ZNF638: variants seen among roughly 807,000 people sequenced by gnomAD.
ZNF638 encodes the protein zinc finger protein 638, also known as CTCL tumor antigen se33-1.
Under a neutral mutation model 195.6 loss-of-function variants are expected in ZNF638, and 46 were observed. The observed-to-expected ratio is 0.24, with a 90% CI of 0.19 to 0.30. The LOEUF is 0.30. ZNF638 is among the 10% of genes least tolerant of loss of function. The pLI is 1.00. For missense variants in ZNF638, 2,440 were observed against 2,325.3 expected, an observed-to-expected ratio of 1.05 and a Z score of -1.01; for synonymous variants, 845 against 772.0, an observed-to-expected ratio of 1.09 and a Z score of -1.57.
In ZNF638 at chr2:71,349,039, G is replaced by A; in HGVS notation, c.85G>A (p.Gly29Arg). The A allele has an allele frequency of 6.2e-7, 1 of 1,614,142 alleles. No individual in the cohort carries two copies. Among genetic ancestry groups the A allele is most frequent in the South Asian group, 1.1e-5 (1 of 91,082 alleles). ...TAACCCTTCTGGGATGAGGCCTCCA[G>A]GACCATTTATGAGGCCTGGATCTAT... ...APNPSGMRPP[G>R]PFMRPGSMGL... The change falls in exon 2 of 28, where the codon GGA becomes AGA. Residue 29 changes from glycine to arginine, a missense_variant. Transcript: ENST00000264447.
At chr2:71,417,431 C>G (rs1011779375) in intron 20 of ZNF638, among the ~76,000 whole-genome samples, 4 of 151,954 alleles carry the variant, frequency 2.6e-5, no homozygotes, top group Admixed American at 2.6e-4. Context: ...AGAAATCACC[C>G]GTCTTCTGCG....
At chr2:71,396,431 C>T (rs1325591314) in intron 11 of ZNF638, among the ~76,000 whole-genome samples, 1 of 151,938 alleles carries the variant, frequency 6.6e-6, no homozygotes, top group African/African-American at 2.4e-5. Flanking sequence ...ACATATTTTC[C>T]TCTTTCTCTT....
intron 8 of ZNF638, among the ~76,000 whole-genome samples, chr2:71,377,467 G>T (rs564753882): frequency 3.9e-5 from 6 of 152,298 alleles, no homozygotes; most frequent in African/African-American, 1.4e-4. Flanking sequence ...AATGCTGGGC[G>T]TTAGTGAATA....
intron 25 of ZNF638, among the ~76,000 whole-genome samples, chr2:71,430,759 C>G (rs1001588072): frequency 1.3e-5 from 2 of 152,170 alleles, no homozygotes; most frequent in African/African-American, 4.8e-5. Context: ...ATCAGAATTG[C>G]TTGGAATCAG....
intron 10 of ZNF638, among the ~76,000 whole-genome samples, chr2:71,394,820 G>A (rs559485516): frequency 1.3e-5 from 2 of 151,992 alleles, no homozygotes; most frequent in East Asian, 3.9e-4. Flanking sequence ...CCAGAAATGT[G>A]TCTAATGAAC....
At chr2:71,390,505 T>TA (rs2104393444) in intron 10 of ZNF638, among the ~76,000 whole-genome samples, 1 of 152,258 alleles carries the variant, frequency 6.6e-6, no homozygotes, top group South Asian at 2.1e-4. Flanking sequence ...AGGTATTAGT[T>TA]ATGATGGAGT....
At position 71,423,505 on chromosome 2, in the gene ZNF638, G is replaced by C; in HGVS notation, c.3991G>C (p.Ala1331Pro). ...GGATCTTCAAATAGGAACAGAGAAG[G>C]CTGAAAAGAATGAAGGTAGGATGGA... is the stretch of plus-strand genomic sequence containing the variant. ...RMDLQIGTEK[A>P]EKNEGRMDAE... Residue 1331 changes from alanine (A) to proline (P), a missense_variant, in exon 22 of 28, where the codon GCT becomes CCT. Ala to Pro is a conservative substitution (Grantham distance 27). Coordinates refer to ENST00000264447, the MANE Select transcript of ZNF638 (RefSeq NM_014497.5). 1.2e-6 allele frequency: 2 copies of C among 1,614,016 alleles called. No individual in the cohort carries two copies. The highest frequency in any genetic ancestry group is 1.7e-6 in the Non-Finnish European group (2 of 1,179,976).
At chr2:71,407,075 A>G (rs1306387619) in intron 19 of ZNF638, among the ~76,000 whole-genome samples, 1 of 152,198 alleles carries the variant, frequency 6.6e-6, no homozygotes, top group Non-Finnish European at 1.5e-5. Context: ...TACATTTGGT[A>G]TGCCTTCTGT....
intron 11 of ZNF638, among the ~76,000 whole-genome samples, chr2:71,398,305 C>T (rs568851777): frequency 6.6e-6 from 1 of 152,058 alleles, no homozygotes; most frequent in African/African-American, 2.4e-5. Context: ...ATATACATAG[C>T]CTGAAGGCAA....
rs189622128 is a variant in ZNF638 at position 71,430,541 on chromosome 2, G to T, written c.5651-786G>T. Among the ~76,000 whole-genome samples the T allele has an allele frequency of 2.0e-3, 310 of 152,278 alleles. 2 individuals carry two copies. Among genetic ancestry groups the T allele is most frequent in the Admixed American group, 2.4e-3 (37 of 15,298 alleles). Reference sequence around the variant, plus strand: ...AGTCACAAAGTCTTGGTTCTAGCCTGTGTCACTCACTAGCTATGCAACCTT... The same window carrying T: ...AGTCACAAAGTCTTGGTTCTAGCCTTTGTCACTCACTAGCTATGCAACCTT... On this transcript the variant is annotated intron_variant, in intron 25 of 27. Transcript: ENST00000264447.
intron 8 of ZNF638, among the ~76,000 whole-genome samples, chr2:71,370,777 CATT>C (rs1292349545): frequency 2.0e-5 from 3 of 152,136 alleles, no homozygotes; most frequent in Non-Finnish European, 4.4e-5. Flanking sequence ...GTAATAATCA[CATT>C]ATGGAAAATG....
chr2:71,429,807 T>C (rs2080619596), intron 25 of ZNF638, among the ~76,000 whole-genome samples: 1 of 152,182 alleles, frequency 6.6e-6, no homozygotes, highest in Non-Finnish European at 1.5e-5. Flanking sequence ...ACTTGACTTT[T>C]CCACATGATT....
chr2:71,390,691 C>T lies in ZNF638; in HGVS notation c.2378-5450C>T, dbSNP rs115509562. Among the ~76,000 whole-genome samples the T allele has an allele frequency of 3.7e-3, 566 of 152,150 alleles. 1 individual carries two copies. Among genetic ancestry groups the T allele is most frequent in the Admixed American group, 7.7e-3 (117 of 15,286 alleles). ...AGAGACCCATGATTACCTTAAAAAT[C>T]GGAAATAAGAATTTTACTGGCTTAT... is the stretch of plus-strand genomic sequence containing the variant. On this transcript the variant is annotated intron_variant, in intron 10 of 27. Coordinates refer to ENST00000264447, the MANE Select transcript of ZNF638 (RefSeq NM_014497.5).
At position 71,434,761 on chromosome 2, in the gene ZNF638, G is replaced by GA; in HGVS notation, c.5894dup (p.Glu1966GlyfsTer6). On this transcript the variant is annotated frameshift_variant, in exon 28 of 28. Coordinates refer to ENST00000264447, the MANE Select transcript of ZNF638 (RefSeq NM_014497.5). LOFTEE classifies it high-confidence loss of function. The stretch of plus-strand genomic sequence containing the variant: ...TAACAGAAATTCATGGCCAAGCAAA[G>GA]AAAGGAAAAGGAGCAGAATGAGGCT... The GA allele has an allele frequency of 1.9e-6, 3 of 1,612,232 alleles. No homozygotes were observed. Among genetic ancestry groups the GA allele is most frequent in the Non-Finnish European group, 2.5e-6 (3 of 1,179,426 alleles).
At chr2:71,408,389 A>ACT in intron 20 of ZNF638, 142 bp downstream of exon 20, 1 of 1,065,306 alleles carries the variant, frequency 9.4e-7, no homozygotes. Flanking sequence ...CAATTTTCAT[A>ACT]GTTTATAAAG....
chr2:71,425,084 G>A (rs80185557), intron 23 of ZNF638, among the ~76,000 whole-genome samples: 9,798 of 152,216 alleles, frequency 0.064, 418 homozygotes, highest in Non-Finnish European at 0.1. Flanking sequence ...TCCTCATTTT[G>A]TTAAAACAGG....
intron 1 of ZNF638, among the ~76,000 whole-genome samples, chr2:71,340,285 C>G (rs187344225): frequency 6.6e-6 from 1 of 152,294 alleles, no homozygotes; most frequent in East Asian, 1.9e-4. Context: ...ACATGGTACT[C>G]TCTGTCAACA....
At chr2:71,364,544 AT>A (rs905160745) in intron 5 of ZNF638, among the ~76,000 whole-genome samples, 128 of 152,068 alleles carry the variant, frequency 8.4e-4, no homozygotes, top group African/African-American at 2.7e-3. Context: ...TTTTGAGATT[AT>A]TTTTTTTAAC....
At chr2:71,363,363 T>G (rs1311493816) in intron 4 of ZNF638, among the ~76,000 whole-genome samples, 172 bp downstream of exon 4, 1 of 152,190 alleles carries the variant, frequency 6.6e-6, no homozygotes, top group African/African-American at 2.4e-5. Flanking sequence ...ACACAGCCCC[T>G]CCCCTGATCT....
Sources: gnomAD v4.1 joint callset for allele counts (sites outside exome capture counted in the v4.1 genomes callset) on GRCh38, gnomAD v4.1.1 for gene constraint, MANE v1.5 for transcripts, NCBI Gene and HGNC (gene_info 2026-07-23, HGNC 2026-07-21) for gene names.